The following CDH4 variants were observed in gnomAD, a reference collection of about 807,000 sequenced individuals.
CDH4 encodes the protein cadherin-4.
Under a neutral mutation model 86.0 loss-of-function variants are expected in CDH4, and 33 were observed. The observed-to-expected ratio is 0.38, with a 90% CI of 0.29 to 0.51. The LOEUF is 0.51. CDH4 is among the 20% of genes least tolerant of loss of function. The probability of loss-of-function intolerance (pLI) is 0.86; values close to 1 mark genes in which losing one functional copy is unlikely to be tolerated. For synonymous variants in CDH4, 555 were observed against 549.4 expected, an observed-to-expected ratio of 1.01 and a Z score of -0.14; for missense variants, 1,114 against 1,307.4, an observed-to-expected ratio of 0.85 and a Z score of 2.28.
At chr20:61,383,076 AAT>A (rs200248688) in intron 2 of CDH4, among the ~76,000 whole-genome samples, 3,336 of 122,560 alleles carry the variant, frequency 0.027, 383 homozygotes, top group African/African-American at 0.11. Flanking sequence ...ATATATATAT[AAT>A]ATATATATGA....
At chr20:61,321,761 G>A (rs1046295879) in intron 2 of CDH4, among the ~76,000 whole-genome samples, 2 of 152,284 alleles carry the variant, frequency 1.3e-5, no homozygotes, top group African/African-American at 2.4e-5. Context: ...ACATGATGCC[G>A]TGATCAACAG....
intron 2 of CDH4, among the ~76,000 whole-genome samples, chr20:61,293,832 C>T (rs2123188515): frequency 6.6e-6 from 1 of 152,314 alleles, no homozygotes; most frequent in Admixed American, 6.5e-5. Context: ...TTCTTCCTGG[C>T]CCCTCACCAG....
intron 4 of CDH4, among the ~76,000 whole-genome samples, chr20:61,809,778 T>C (rs1417537543): frequency 6.6e-6 from 1 of 152,210 alleles, no homozygotes; most frequent in Non-Finnish European, 1.5e-5. Context: ...AGGCAGAACC[T>C]TCCATACTTG....
chr20:61,700,041 C>T (rs1297602854), intron 2 of CDH4, among the ~76,000 whole-genome samples: 2 of 152,158 alleles, frequency 1.3e-5, no homozygotes, highest in African/African-American at 4.8e-5. Context: ...GGCGTGCACT[C>T]GGAACACCCC....
chr20:61,337,401 T>C (rs988946558), intron 2 of CDH4, among the ~76,000 whole-genome samples: 1 of 149,724 alleles, frequency 6.7e-6, no homozygotes, highest in African/African-American at 2.5e-5. Flanking sequence ...ATAAAACTGA[T>C]GGAGATCACG....
intron 14 of CDH4, 63 bp from the exon 15 acceptor site, chr20:61,933,993 G>A (rs2055146362): frequency 1.5e-5 from 24 of 1,579,588 alleles, no homozygotes; most frequent in Non-Finnish European, 2.1e-5. Context: ...AAAGGATGCA[G>A]GGTGGAAGGG....
intron 2 of CDH4, among the ~76,000 whole-genome samples, chr20:61,279,485 T>C (rs940991146): frequency 2.6e-5 from 4 of 151,742 alleles, no homozygotes; most frequent in Admixed American, 6.6e-5. Context: ...GAGGCTCAGC[T>C]CCTAGGGGTG....
intron 2 of CDH4, among the ~76,000 whole-genome samples, chr20:61,292,780 GT>G (rs2084330217): frequency 6.6e-6 from 1 of 152,220 alleles, no homozygotes; most frequent in Non-Finnish European, 1.5e-5. Context: ...GGGCAATGCT[GT>G]TTTTGTTTTT....
intron 4 of CDH4, among the ~76,000 whole-genome samples, chr20:61,806,066 T>TTG (rs1296370267): frequency 6.6e-6 from 1 of 152,208 alleles, no homozygotes; most frequent in African/African-American, 2.4e-5. Flanking sequence ...ACTGAAAGCA[T>TTG]TGTGGTTCGG....
chr20:61,623,707 T>G lies in CDH4; in HGVS notation c.170-119856T>G, dbSNP rs895096050. Among the ~76,000 whole-genome samples the G allele has an allele frequency of 6.6e-6, 1 of 152,108 alleles. No individual in the cohort carries two copies. Among genetic ancestry groups the G allele is most frequent in the Non-Finnish European group, 1.5e-5 (1 of 68,024 alleles). ...CAGCCATCCCCAGGAGAAGGCTGGT[T>G]TTAGTGCATCACTGAGCGCAAAGTA... On this transcript the variant is annotated intron_variant, in intron 2 of 15. Transcript: ENST00000614565. This position sits in a 1 kb window ranked among gnomAD's most constrained non-coding sequence, Gnocchi z 4.4.
intron 2 of CDH4, among the ~76,000 whole-genome samples, chr20:61,519,140 A>G (rs1432755813): frequency 6.6e-6 from 1 of 152,186 alleles, no homozygotes; most frequent in African/African-American, 2.4e-5. Context: ...TCCACCACAA[A>G]TTTCTGGACC....
intron 2 of CDH4, among the ~76,000 whole-genome samples, chr20:61,386,678 G>A (rs971924316): frequency 3.3e-5 from 5 of 152,204 alleles, no homozygotes; most frequent in African/African-American, 7.2e-5. Flanking sequence ...TGGGGGTGAC[G>A]GTGTCTTCTC....
At chr20:61,562,391 C>T (rs565747854) in intron 2 of CDH4, among the ~76,000 whole-genome samples, 21 of 148,606 alleles carry the variant, frequency 1.4e-4, no homozygotes, top group Admixed American at 2.7e-4. Flanking sequence ...CCAGGGCTCC[C>T]GGAGAGAGAG....
intron 2 of CDH4, among the ~76,000 whole-genome samples, chr20:61,609,389 A>G (rs984147891): frequency 1.6e-4 from 24 of 152,184 alleles, no homozygotes; most frequent in African/African-American, 5.8e-4. Flanking sequence ...GGCCTCGTGC[A>G]ATGCAGCGGC....
intron 2 of CDH4, among the ~76,000 whole-genome samples, chr20:61,295,337 G>A (rs986371809): frequency 6.6e-5 from 10 of 152,170 alleles, no homozygotes; most frequent in African/African-American, 1.9e-4. Context: ...GAGGGAGTCT[G>A]GAGTCCAGCA....
intron 2 of CDH4, among the ~76,000 whole-genome samples, chr20:61,397,040 T>C (rs1331563636): frequency 6.6e-6 from 1 of 152,098 alleles, no homozygotes; most frequent in African/African-American, 2.4e-5. Flanking sequence ...CCCCCGCAAG[T>C]AGCTGGGATT....
chr20:61,671,121 A>ATGGGTGGATGCATGATGGT (rs2087381932), intron 2 of CDH4, among the ~76,000 whole-genome samples: 1 of 142,614 alleles, frequency 7.0e-6, no homozygotes, highest in African/African-American at 3.0e-5. Context: ...GAATAGGTGG[A>ATGGGTGGATGCATGATGGT]TGGGTGGATG....
intron 2 of CDH4, among the ~76,000 whole-genome samples, chr20:61,727,341 C>T (rs2088127697): frequency 6.6e-6 from 1 of 151,868 alleles, no homozygotes; most frequent in African/African-American, 2.4e-5. Flanking sequence ...TCATCGGTGC[C>T]TTCATCACCA....
At chr20:61,394,012 C>A (rs1170096413) in intron 2 of CDH4, among the ~76,000 whole-genome samples, 1 of 152,140 alleles carries the variant, frequency 6.6e-6, no homozygotes. Context: ...ACGTATAATA[C>A]AAATACTTAT....
Sources: gnomAD v4.1 joint callset for allele counts (sites outside exome capture counted in the v4.1 genomes callset) on GRCh38, gnomAD v4.1.1 for gene constraint, Gnocchi (gnomAD v3.1) non-coding constraint, MANE v1.5 for transcripts, NCBI Gene and HGNC (gene_info 2026-07-23, HGNC 2026-07-21) for gene names.